Variants in XKR9 observed in about 807,000 individuals in gnomAD.
XKR9 encodes the protein XK-related protein 9.
Under a neutral mutation model 32.0 loss-of-function variants are expected in XKR9, and 32 were observed. The ratio of observed to expected loss-of-function variants is 1.00; its 90% CI spans 0.76 to 1.34. The LOEUF is 1.34. XKR9 is among the 40% of genes most tolerant of loss of function. The probability of loss-of-function intolerance (pLI) is 0.00; values close to 1 mark genes in which losing one functional copy is unlikely to be tolerated. For missense variants in XKR9, 546 were observed against 429.7 expected (o/e 1.27, Z -2.39); for synonymous variants, 168 against 143.4 (o/e 1.17, Z -1.22).
chr8:70,730,365 T>C (rs937255282), intron 4 of XKR9, among the ~76,000 whole-genome samples: 2 of 152,158 alleles, frequency 1.3e-5, no homozygotes, highest in Admixed American at 6.6e-5. Context: ...TTTATAAACC[T>C]TTTTAGAACC....
chr8:70,904,932 A>T, the XKR9 span, among the ~76,000 whole-genome samples: 11 of 152,176 alleles, frequency 7.2e-5, no homozygotes, highest in Non-Finnish European at 1.2e-4. Context: ...TTTCTTTAAG[A>T]ATGTTGGATA....
chr8:70,982,847 C>G, the XKR9 span, among the ~76,000 whole-genome samples: 1 of 152,188 alleles, frequency 6.6e-6, no homozygotes, highest in Admixed American at 6.5e-5. Context: ...TGAATCATCT[C>G]TCTATTTTAA....
At chr8:70,766,530 T>C (rs1807378162) in intron 2 of XKR9, among the ~76,000 whole-genome samples, 1 of 152,218 alleles carries the variant, frequency 6.6e-6, no homozygotes, top group South Asian at 2.1e-4. Context: ...TATACAATCA[T>C]ATAATCTGCA....
intron 2 of XKR9, among the ~76,000 whole-genome samples, chr8:70,786,760 A>C (rs1339317836): frequency 1.3e-5 from 2 of 152,180 alleles, no homozygotes; most frequent in African/African-American, 4.8e-5. Flanking sequence ...ATCCATTTAC[A>C]TTCAGGGAAA....
At chr8:71,045,302 C>T in the XKR9 span, among the ~76,000 whole-genome samples, 1 of 152,150 alleles carries the variant, frequency 6.6e-6, no homozygotes. Context: ...TGAAAGAAGT[C>T]CAGGAAGCCT....
chr8:70,819,810 C>T, the XKR9 span, among the ~76,000 whole-genome samples: 1 of 152,140 alleles, frequency 6.6e-6, no homozygotes, highest in Non-Finnish European at 1.5e-5. Context: ...TAGGGCCACA[C>T]CTGTTTGCAG....
downstream of XKR9, among the ~76,000 whole-genome samples, chr8:70,737,125 G>A (rs1465757462): frequency 8.8e-3 from 1,308 of 148,992 alleles, 16 homozygotes; most frequent in African/African-American, 0.031. Flanking sequence ...CCATTTGTTT[G>A]TATCCTCTTT....
chr8:70,934,453 G>A, the XKR9 span, among the ~76,000 whole-genome samples: 3 of 151,910 alleles, frequency 2.0e-5, no homozygotes, highest in Non-Finnish European at 2.9e-5. Flanking sequence ...TAGGATTTGG[G>A]ACAATAAATA....
chr8:70,725,786 A>G (rs938638411), intron 4 of XKR9, among the ~76,000 whole-genome samples: 10 of 152,110 alleles, frequency 6.6e-5, no homozygotes, highest in African/African-American at 2.4e-4. Flanking sequence ...GTCGCCTGTA[A>G]TACCAGCTAC....
downstream of XKR9, among the ~76,000 whole-genome samples, chr8:70,739,105 G>T (rs1340342314): frequency 6.6e-6 from 1 of 151,946 alleles, no homozygotes; most frequent in Non-Finnish European, 1.5e-5. Flanking sequence ...GGGAATCTAA[G>T]TCTGTTTGTA....
intron 2 of XKR9, among the ~76,000 whole-genome samples, chr8:70,759,075 A>G (rs905600507): frequency 2.0e-5 from 3 of 152,182 alleles, no homozygotes; most frequent in Non-Finnish European, 4.4e-5. Context: ...CTTCTTTTTC[A>G]TGGCTGGTTA....
At chr8:70,907,816 G>A in the XKR9 span, among the ~76,000 whole-genome samples, 2 of 152,074 alleles carry the variant, frequency 1.3e-5, no homozygotes, top group Admixed American at 6.6e-5. Context: ...ATGGCCCTTG[G>A]CCAAAACCAA....
At chr8:70,681,416 G>A in intron 3 of XKR9, 86 bp downstream of exon 3, 4 of 1,458,940 alleles carry the variant, frequency 2.7e-6, no homozygotes, top group South Asian at 2.8e-5. Context: ...GTAGTCAAAT[G>A]TACAAAGATC....
chr8:70,894,531 C>T, the XKR9 span, among the ~76,000 whole-genome samples: 1 of 152,120 alleles, frequency 6.6e-6, no homozygotes, highest in East Asian at 1.9e-4. Flanking sequence ...ATACCAATTC[C>T]CCAGGGGGCA....
the XKR9 span, among the ~76,000 whole-genome samples, chr8:71,021,593 C>A: frequency 6.6e-6 from 1 of 150,764 alleles, no homozygotes; most frequent in African/African-American, 2.4e-5. Flanking sequence ...AGCTCCGCCT[C>A]CCGGGTTCAC....
the XKR9 span, among the ~76,000 whole-genome samples, chr8:70,944,771 G>A: frequency 4.6e-5 from 7 of 152,150 alleles, no homozygotes; most frequent in South Asian, 2.1e-4. Flanking sequence ...TAATGGAGAA[G>A]ATCATACAAG....
chr8:70,741,752 G>T lies in XKR9; in HGVS notation n.352+34599G>T, dbSNP rs1281092192. On this transcript the variant is annotated intron_variant and non_coding_transcript_variant, in intron 2 of 3. Coordinates refer to the XKR9 transcript ENST00000520273. ...ATACTTCTTTGAGATTCTGCTTTCA[G>T]TTCTTTTGGATATGTACTCAGAAGT... 2.6e-5 allele frequency among the ~76,000 whole-genome samples: 4 copies of T among 152,258 alleles called. No individual in the cohort carries two copies. In the South Asian group the frequency reaches 6.2e-4, roughly 24 times the overall value.
the XKR9 span, among the ~76,000 whole-genome samples, chr8:70,811,110 C>G: frequency 6.6e-6 from 1 of 152,172 alleles, no homozygotes; most frequent in Admixed American, 6.5e-5. Flanking sequence ...ATAGTGCAAT[C>G]AAACTAGAAC....
the XKR9 span, among the ~76,000 whole-genome samples, chr8:70,932,053 A>T: frequency 0.68 from 102,782 of 152,002 alleles, 35,246 homozygotes; most frequent in Admixed American, 0.74. Flanking sequence ...CACGTATTAG[A>T]CAGTTCAATA....
Sources: gnomAD v4.1 joint callset for allele counts (sites outside exome capture counted in the v4.1 genomes callset) on GRCh38, gnomAD v4.1.1 for gene constraint, MANE v1.5 for transcripts, NCBI Gene and HGNC (gene_info 2026-07-23, HGNC 2026-07-21) for gene names.